Variants in PPP1R42 observed in about 807,000 individuals in gnomAD.
PPP1R42 encodes the protein protein phosphatase 1 regulatory subunit 42, also known as leucine rich repeat containing 67.
PPP1R42 carries 34 observed loss-of-function variants against 31.0 expected under a neutral mutation model. The observed-to-expected ratio is 1.10, with a 90% CI of 0.83 to 1.46. The LOEUF is 1.46. Ranked by LOEUF, PPP1R42 falls within the 40% of genes most tolerant of loss-of-function variation. The probability of loss-of-function intolerance (pLI) is 0.00; values close to 1 mark genes in which losing one functional copy is unlikely to be tolerated. For missense variants in PPP1R42, 268 were observed against 303.0 expected, an observed-to-expected ratio of 0.88 and a Z score of 0.86; for synonymous variants, 103 against 109.8, an observed-to-expected ratio of 0.94 and a Z score of 0.39.
intron 5 of PPP1R42, among the ~76,000 whole-genome samples, chr8:67,000,915 A>C (rs1243575065): frequency 1.3e-5 from 2 of 152,162 alleles, no homozygotes; most frequent in Non-Finnish European, 2.9e-5. Flanking sequence ...TCTCTGTTAT[A>C]ATTATGGGTT....
chr8:67,028,546 G>A lies in PPP1R42; in HGVS notation c.-140C>T, dbSNP rs1389832095. The A allele has an allele frequency of 5.1e-6, 5 of 985,400 alleles. No individual in the cohort carries two copies. In the South Asian group the frequency reaches 2.3e-4, roughly 46 times the overall value. 61.0% of individuals were successfully genotyped at this position (985,400 alleles called of 1,614,324 possible). A position where few individuals can be genotyped will look rare whatever the true frequency, so the allele number is the denominator to read the frequency against. ...AGTTTGGTCGGTTTCATCGGCGCCG[G>A]GTCCCTACGCAGACCAGCGGCGGTT... On this transcript the variant is annotated 5_prime_UTR_variant, in exon 1 of 8. Coordinates refer to ENST00000685739, the MANE Select transcript of PPP1R42 (RefSeq NM_001364910.1).
chr8:66,982,862 A>G (rs773984984), intron 6 of PPP1R42, among the ~76,000 whole-genome samples: 4 of 152,078 alleles, frequency 2.6e-5, no homozygotes, highest in Admixed American at 2.0e-4. Flanking sequence ...TGCAACCTCA[A>G]AACTCCTCAG....
intron 5 of PPP1R42, among the ~76,000 whole-genome samples, chr8:66,995,968 C>T (rs1188559777): frequency 6.6e-6 from 1 of 152,124 alleles, no homozygotes; most frequent in Non-Finnish European, 1.5e-5. Flanking sequence ...ATAAGTACTA[C>T]CTCCAACCCC....
intron 7 of PPP1R42, among the ~76,000 whole-genome samples, chr8:66,966,313 C>G (rs537920843): frequency 6.6e-6 from 1 of 152,140 alleles, no homozygotes; most frequent in East Asian, 1.9e-4. Context: ...TTTGAGAGTC[C>G]CCAGCAGAGT....
At chr8:66,995,183 A>G (rs1369474117) in intron 5 of PPP1R42, among the ~76,000 whole-genome samples, 1 of 152,228 alleles carries the variant, frequency 6.6e-6, no homozygotes, top group Admixed American at 6.5e-5. Context: ...AAATATAGAG[A>G]TGCTGCCCAG....
intron 5 of PPP1R42, among the ~76,000 whole-genome samples, chr8:66,993,410 A>C (rs1315038569): frequency 6.6e-6 from 1 of 152,230 alleles, no homozygotes; most frequent in Non-Finnish European, 1.5e-5. Flanking sequence ...TTTCATGCCT[A>C]TGTGGCCCAT....
intron 1 of PPP1R42, among the ~76,000 whole-genome samples, chr8:67,021,957 TTTC>T (rs199565542): frequency 1.2e-3 from 186 of 151,572 alleles, no homozygotes; most frequent in African/African-American, 4.4e-3. Flanking sequence ...TCTTTGAGTA[TTTC>T]TTTTTTTTCA....
chr8:66,971,642 T>C (rs1814541580), intron 7 of PPP1R42, among the ~76,000 whole-genome samples: 2 of 152,136 alleles, frequency 1.3e-5, no homozygotes, highest in African/African-American at 4.8e-5. Flanking sequence ...GCTTAATAAA[T>C]GTTTATTAAA....
intron 7 of PPP1R42, among the ~76,000 whole-genome samples, chr8:66,969,502 C>G (rs1814480823): frequency 6.6e-6 from 1 of 152,118 alleles, no homozygotes; most frequent in Non-Finnish European, 1.5e-5. Flanking sequence ...ACGAGGACTC[C>G]CTGCATATCC....
intron 6 of PPP1R42, chr8:66,984,194 G>C: frequency 6.4e-7 from 1 of 1,571,392 alleles, no homozygotes; most frequent in Non-Finnish European, 8.7e-7. Context: ...TCAGCCCCAT[G>C]CTTTCTGAAA....
At chr8:66,973,278 CTT>C (rs544578413) in intron 7 of PPP1R42, among the ~76,000 whole-genome samples, 1 of 143,306 alleles carries the variant, frequency 7.0e-6, no homozygotes. Context: ...ATCTACCCTC[CTT>C]TTTTTTTTTG....
At chr8:66,976,315 T>C (rs1424738453) in intron 7 of PPP1R42, among the ~76,000 whole-genome samples, 1 of 152,116 alleles carries the variant, frequency 6.6e-6, no homozygotes, top group Non-Finnish European at 1.5e-5. Context: ...TACATTACAG[T>C]GCAATGTTAA....
intron 7 of PPP1R42, among the ~76,000 whole-genome samples, chr8:66,972,397 C>T (rs1459771220): frequency 6.6e-6 from 1 of 151,970 alleles, no homozygotes; most frequent in East Asian, 1.9e-4. Flanking sequence ...TTTTAGAGAC[C>T]ATTTTTTTTT....
intron 6 of PPP1R42, chr8:66,985,048 T>A: frequency 7.0e-7 from 1 of 1,420,524 alleles, no homozygotes; most frequent in Non-Finnish European, 1.0e-6. Flanking sequence ...GGGGATTATG[T>A]AAGAGTCCCA....
chr8:66,969,747 C>T (rs528423246), intron 7 of PPP1R42, among the ~76,000 whole-genome samples: 1 of 152,138 alleles, frequency 6.6e-6, no homozygotes, highest in Admixed American at 6.5e-5. Flanking sequence ...GCAGGCAGTT[C>T]TGGGAAAAGG....
At chr8:66,964,419 A>G (rs1585950783) in intron 7 of PPP1R42, 85 bp from the exon 8 acceptor site, 8 of 577,308 alleles carry the variant, frequency 1.4e-5, no homozygotes, top group Non-Finnish European at 2.0e-5. Flanking sequence ...AGAATCTAGG[A>G]CACAATAACA....
chr8:66,986,411 C>T (rs1815017349), intron 6 of PPP1R42, among the ~76,000 whole-genome samples: 1 of 152,154 alleles, frequency 6.6e-6, no homozygotes, highest in Non-Finnish European at 1.5e-5. Flanking sequence ...CAAACTTCAG[C>T]CCCGAGACGG....
rs549380892 is a variant in PPP1R42 at position 67,023,370 on chromosome 8, A to T, written c.-85+5121T>A. Among the ~76,000 whole-genome samples the T allele has an allele frequency of 1.1e-4, 16 of 152,222 alleles. No homozygotes were observed. The East Asian group carries it at 2.9e-3, about 28-fold the overall frequency. On this transcript the variant is annotated intron_variant, in intron 1 of 7. Transcript: ENST00000685739. ...AGCAATCCACCTGCCTCAGCCTCCC[A>T]AACCGTTGGGATTGCAGGCATGAGC...
chr8:67,012,778 A>C, intron 4 of PPP1R42, 180 bp downstream of exon 4: 2 of 451,636 alleles, frequency 4.4e-6, no homozygotes, highest in East Asian at 7.1e-5. Context: ...CACTTTATAA[A>C]TGCTGAGTCT....
Sources: gnomAD v4.1 joint callset for allele counts (sites outside exome capture counted in the v4.1 genomes callset) on GRCh38, gnomAD v4.1.1 for gene constraint, MANE v1.5 for transcripts, NCBI Gene and HGNC (gene_info 2026-07-23, HGNC 2026-07-21) for gene names.